Variants in XRCC4 observed in about 807,000 individuals in gnomAD.
XRCC4 encodes the protein DNA repair protein XRCC4.
In XRCC4, 28 loss-of-function variants were observed where a neutral mutation model predicts 39.1. The ratio of observed to expected loss-of-function variants is 0.72; its 90% CI spans 0.53 to 0.98. The LOEUF (loss-of-function observed/expected upper bound fraction) is 0.98. Ranked by LOEUF, XRCC4 falls within the 50% of genes least tolerant of loss-of-function variation. The pLI is 0.00. For missense variants in XRCC4, 350 were observed against 376.4 expected, an observed-to-expected ratio of 0.93 and a Z score of 0.58; for synonymous variants, 123 against 126.4, an observed-to-expected ratio of 0.97 and a Z score of 0.18.
intron 7 of XRCC4, among the ~76,000 whole-genome samples, chr5:83,293,023 T>A (rs1754975478): frequency 6.6e-6 from 1 of 151,962 alleles, no homozygotes; most frequent in Non-Finnish European, 1.5e-5. Context: ...AGACCTTTTT[T>A]TTACTTAATG....
chr5:83,159,289 TTA>T (rs1414410749), intron 3 of XRCC4, among the ~76,000 whole-genome samples: 1 of 152,138 alleles, frequency 6.6e-6, no homozygotes, highest in Non-Finnish European at 1.5e-5. Context: ...TTTAGGGAAT[TTA>T]TAATTTATTA....
At chr5:83,080,828 C>A (rs570497818) in intron 1 of XRCC4, among the ~76,000 whole-genome samples, 1 of 152,116 alleles carries the variant, frequency 6.6e-6, no homozygotes, top group Non-Finnish European at 1.5e-5. Flanking sequence ...TAAAGTGCCT[C>A]TTTTAAGCAA....
intron 1 of XRCC4, among the ~76,000 whole-genome samples, chr5:83,103,699 A>G (rs1393620438): frequency 1.3e-5 from 2 of 152,230 alleles, no homozygotes; most frequent in Non-Finnish European, 2.9e-5. Context: ...TTATACTCAT[A>G]TAATAGACTA....
intron 6 of XRCC4, among the ~76,000 whole-genome samples, chr5:83,238,115 A>G (rs1317825523): frequency 6.6e-6 from 1 of 152,114 alleles, no homozygotes; most frequent in Non-Finnish European, 1.5e-5. Flanking sequence ...AATGCACTCT[A>G]TCATGCCCAG....
intron 3 of XRCC4, among the ~76,000 whole-genome samples, chr5:83,130,868 T>G (rs1481019848): frequency 6.6e-6 from 1 of 152,154 alleles, no homozygotes; most frequent in Non-Finnish European, 1.5e-5. Flanking sequence ...CTTTTCTTCT[T>G]TATTAGTCTT....
At chr5:83,283,874 T>C (rs1754638847) in intron 7 of XRCC4, among the ~76,000 whole-genome samples, 1 of 152,014 alleles carries the variant, frequency 6.6e-6, no homozygotes, top group South Asian at 2.1e-4. Flanking sequence ...CATATGTATG[T>C]GTGTCAGGAC....
intron 3 of XRCC4, among the ~76,000 whole-genome samples, chr5:83,136,354 C>A (rs1219663433): frequency 1.3e-5 from 2 of 152,128 alleles, no homozygotes; most frequent in Non-Finnish European, 2.9e-5. Context: ...TCCTTTCTTG[C>A]CCTCTGCTCT....
chr5:83,306,555 C>T (rs1755494600), intron 7 of XRCC4, among the ~76,000 whole-genome samples: 1 of 152,130 alleles, frequency 6.6e-6, no homozygotes, highest in African/African-American at 2.4e-5. Context: ...GTTATGTTAA[C>T]ATGAATAATT....
intron 3 of XRCC4, among the ~76,000 whole-genome samples, chr5:83,130,081 T>C (rs547273358): frequency 3.3e-5 from 5 of 152,318 alleles, no homozygotes; most frequent in African/African-American, 1.2e-4. Context: ...TTTTGCCCAT[T>C]CAGTATGATA....
intron 4 of XRCC4, among the ~76,000 whole-genome samples, chr5:83,197,909 C>A (rs1486625029): frequency 6.6e-6 from 1 of 152,068 alleles, no homozygotes; most frequent in East Asian, 1.9e-4. Context: ...TTAAATATTT[C>A]CCAAATTTGA....
At chr5:83,300,865 T>A (rs745498531) in intron 7 of XRCC4, among the ~76,000 whole-genome samples, 1 of 152,112 alleles carries the variant, frequency 6.6e-6, no homozygotes, top group Non-Finnish European at 1.5e-5. Context: ...TTGCTGAGAA[T>A]GATGGTTTCC....
At chr5:83,156,768 G>C (rs1187475046) in intron 3 of XRCC4, among the ~76,000 whole-genome samples, 1 of 152,106 alleles carries the variant, frequency 6.6e-6, no homozygotes, top group Non-Finnish European at 1.5e-5. Flanking sequence ...ATTTTTGGAA[G>C]ATGCAGATGC....
intron 7 of XRCC4, among the ~76,000 whole-genome samples, chr5:83,330,220 C>T (rs754854748): frequency 1.3e-4 from 19 of 151,846 alleles, no homozygotes; most frequent in Non-Finnish European, 2.2e-4. Flanking sequence ...TTATACACTA[C>T]TAAAGGAAGT....
At chr5:83,314,694 T>C (rs1755819551) in intron 7 of XRCC4, among the ~76,000 whole-genome samples, 1 of 152,182 alleles carries the variant, frequency 6.6e-6, no homozygotes, top group Non-Finnish European at 1.5e-5. Context: ...GTTATGGTTA[T>C]CTGTGATCAG....
chr5:83,280,351 T>C, intron 7 of XRCC4: 2 of 488,180 alleles, frequency 4.1e-6, no homozygotes, highest in South Asian at 5.0e-5. Context: ...TACTAGATCA[T>C]GCATTTCCTT....
At chr5:83,163,157 G>T (rs1749302129) in intron 3 of XRCC4, among the ~76,000 whole-genome samples, 1 of 151,946 alleles carries the variant, frequency 6.6e-6, no homozygotes, top group Non-Finnish European at 1.5e-5. Flanking sequence ...ATTTTGGCCA[G>T]GTTGGTCTTG....
At chr5:83,262,330 G>A (rs1280224843) in intron 7 of XRCC4, among the ~76,000 whole-genome samples, 2 of 152,104 alleles carry the variant, frequency 1.3e-5, no homozygotes, top group African/African-American at 4.8e-5. Flanking sequence ...TTTGTGCAGA[G>A]CGAAGGGAGT....
rs372480968 is a variant in XRCC4, at chr5:83,326,164, A to C, written c.894-26967A>C. On this transcript the variant is annotated intron_variant, in intron 7 of 7. Coordinates refer to ENST00000396027, the MANE Select transcript of XRCC4 (RefSeq NM_003401.5). ...ACTCTGGATATTAGACCTTTGTCAA[A>C]TGGATAGATAGCAAAAATTTTCACC... is the stretch of plus-strand genomic sequence containing the variant. 2.5e-3 allele frequency among the ~76,000 whole-genome samples: 386 copies of C among 152,198 alleles called. 2 individuals are homozygous for C. The highest frequency in any genetic ancestry group is 8.9e-3 in the African/African-American group (370 of 41,540).
chr5:83,366,528 T>C, the XRCC4 span, among the ~76,000 whole-genome samples: 1 of 152,178 alleles, frequency 6.6e-6, no homozygotes, highest in Non-Finnish European at 1.5e-5. Context: ...AGTGACCATT[T>C]TAAGATGTTG....
Sources: gnomAD v4.1 joint callset for allele counts (sites outside exome capture counted in the v4.1 genomes callset) on GRCh38, gnomAD v4.1.1 for gene constraint, MANE v1.5 for transcripts, NCBI Gene and HGNC (gene_info 2026-07-23, HGNC 2026-07-21) for gene names.